MOBP: variants seen among roughly 807,000 people sequenced by gnomAD.
MOBP encodes myelin associated oligodendrocyte basic protein.
A neutral mutation model predicts 15.0 loss-of-function variants in MOBP; 5 were observed. That is an observed-to-expected ratio of 0.33 (90% CI 0.17 to 0.70). The LOEUF (loss-of-function observed/expected upper bound fraction) is 0.70, where lower values mean the gene tolerates loss of function less well. Ranked by LOEUF, MOBP falls within the 30% of genes least tolerant of loss-of-function variation. MOBP has a pLI of 0.67. For missense variants in MOBP, 188 were observed against 257.8 expected (o/e 0.73, Z 1.85); for synonymous variants, 88 against 99.0 (o/e 0.89, Z 0.66).
chr3:39,508,655 T>G (rs1443062583), intron 4 of MOBP, among the ~76,000 whole-genome samples: 5 of 151,906 alleles, frequency 3.3e-5, no homozygotes, highest in African/African-American at 1.2e-4. Flanking sequence ...GTTCAAGTGA[T>G]TCTCCTGCCT....
chr3:39,510,561 G>A (rs1227813378), intron 4 of MOBP, among the ~76,000 whole-genome samples: 2 of 151,922 alleles, frequency 1.3e-5, no homozygotes, highest in African/African-American at 4.8e-5. Flanking sequence ...ATGCTTTTTG[G>A]TGATATCAAA....
intron 1 of MOBP, among the ~76,000 whole-genome samples, chr3:39,479,130 G>A (rs963214423): frequency 6.6e-6 from 1 of 152,122 alleles, no homozygotes; most frequent in East Asian, 1.9e-4. Flanking sequence ...GCACGGCCCT[G>A]ATCATTTTTC....
downstream of MOBP, among the ~76,000 whole-genome samples, chr3:39,516,263 G>A (rs1484514111): frequency 6.6e-6 from 1 of 152,174 alleles, no homozygotes; most frequent in African/African-American, 2.4e-5. Flanking sequence ...AGGCACCTGA[G>A]CATGTGAAAG....
chr3:39,502,952 G>A lies in MOBP; in HGVS notation c.*72G>A. 3 of 711,432 alleles carry A rather than the reference G, an allele frequency of 4.2e-6. No individual in the cohort carries two copies. Among genetic ancestry groups the A allele is most frequent in the Non-Finnish European group, 6.9e-6 (3 of 436,368 alleles). The allele number at this position is 711,432 out of a possible 1,614,324, so 44.1% of individuals were successfully genotyped here. ...TTCCTGTGTTTACTAACACCGGGCTGTCTCCATGGCCCTCTTCAGCCTTAT... is the reference window on the plus strand; with the variant it reads ...TTCCTGTGTTTACTAACACCGGGCTATCTCCATGGCCCTCTTCAGCCTTAT... On this transcript the variant is annotated 3_prime_UTR_variant, in exon 4 of 4. Coordinates refer to ENST00000684792, the MANE Select transcript of MOBP (RefSeq NM_001393704.1). The surrounding 1 kb of genome is among the most constrained non-coding windows in gnomAD (Gnocchi z 6.3).
At chr3:39,488,551 C>T (rs2042749020) in intron 2 of MOBP, among the ~76,000 whole-genome samples, 1 of 152,180 alleles carries the variant, frequency 6.6e-6, no homozygotes. Flanking sequence ...TTAGGTGGCA[C>T]CATCAGCACT....
chr3:39,516,639 A>G (rs2043206267), downstream of MOBP, among the ~76,000 whole-genome samples: 1 of 152,198 alleles, frequency 6.6e-6, no homozygotes, highest in Non-Finnish European at 1.5e-5. Context: ...AATGACCTAT[A>G]TAATTCTTTC....
chr3:39,468,061 C>G lies in MOBP; in HGVS notation c.-89+321C>G, dbSNP rs548221169. Among the ~76,000 whole-genome samples, 55 of 151,772 alleles carry G rather than the reference C, an allele frequency of 3.6e-4. No homozygotes were observed. In the South Asian group the frequency reaches 0.011, roughly 29 times the overall value. On this transcript the variant is annotated intron_variant, in intron 1 of 3. Coordinates refer to ENST00000684792, the MANE Select transcript of MOBP (RefSeq NM_001393704.1). ...TCCTGGAGCTAGATGGATGGTAGTACATGCTGCTGCTGCTGCTGCTTTTTT... is the reference window on the plus strand; with the variant it reads ...TCCTGGAGCTAGATGGATGGTAGTAGATGCTGCTGCTGCTGCTGCTTTTTT...
chr3:39,517,765 C>T (rs967477987), downstream of MOBP: 1 of 152,212 alleles, frequency 6.6e-6, no homozygotes, highest in Non-Finnish European at 1.5e-5. Context: ...GATCAACTGA[C>T]TGGGTTTATC....
In MOBP at chr3:39,502,750, C is replaced by T. The variant is rs2042992509; in HGVS notation, c.422C>T (p.Pro141Leu). 4 of 1,535,688 alleles carry T rather than the reference C, an allele frequency of 2.6e-6. No homozygotes were observed. In the East Asian group the frequency reaches 9.8e-5, roughly 38 times the overall value. Residue 141 changes from proline to leucine, a missense_variant, in exon 4 of 4, where the codon CCA (proline) becomes CTA (leucine). This residue lies in a region of MOBP where 133 missense variants were observed against 212.5 expected (regional missense o/e 0.63). Coordinates refer to ENST00000684792, the MANE Select transcript of MOBP (RefSeq NM_001393704.1). This position sits in a 1 kb window ranked among gnomAD's most constrained non-coding sequence, Gnocchi z 6.3. The part of the protein sequence containing the change: ...PRSERQPRPR[P>L]EVRPPPAKQR... The stretch of plus-strand genomic sequence containing the variant: ...TCTGAGCGTCAGCCACGTCCCCGCC[C>T]AGAGGTCCGACCACCGCCAGCCAAG...
At chr3:39,525,110 C>A (rs1280952043), downstream of MOBP, 2 of 151,834 alleles carry the variant, frequency 1.3e-5, no homozygotes, top group African/African-American at 4.8e-5. Flanking sequence ...ATAAAACTAT[C>A]CTTTTGGAAA....
chr3:39,498,055 T>G (rs114212577), intron 2 of MOBP, among the ~76,000 whole-genome samples: 1 of 152,380 alleles, frequency 6.6e-6, no homozygotes, highest in African/African-American at 2.4e-5. Context: ...CGGTTTACTA[T>G]GTACAAATAA....
intron 2 of MOBP, among the ~76,000 whole-genome samples, chr3:39,491,493 G>A (rs1268144860): frequency 6.6e-6 from 1 of 152,096 alleles, no homozygotes; most frequent in Non-Finnish European, 1.5e-5. Flanking sequence ...TATAACTTAT[G>A]CTTCTCAATG....
At position 39,489,690 on chromosome 3, in the gene MOBP, C is replaced by T. The variant is rs539963957; in HGVS notation, c.-5+9567C>T. 6.6e-5 allele frequency among the ~76,000 whole-genome samples: 10 copies of T among 150,470 alleles called. No individual in the cohort carries two copies. In the East Asian group the frequency reaches 1.7e-3, roughly 26 times the overall value. On this transcript the variant is annotated intron_variant, in intron 2 of 3. Transcript: ENST00000684792. ...GGCAGGAGCTGGGTGTATTGTTCCC[C>T]GCCCAGCTCCTGTCCCAGCCCCTGG... is the stretch of plus-strand genomic sequence containing the variant.
At chr3:39,491,914 T>G (rs1053663458) in intron 2 of MOBP, among the ~76,000 whole-genome samples, 3 of 152,076 alleles carry the variant, frequency 2.0e-5, no homozygotes, top group African/African-American at 4.8e-5. Flanking sequence ...TTAAAATTTT[T>G]TGTGTGTGTA....
downstream of MOBP, among the ~76,000 whole-genome samples, chr3:39,518,464 G>A (rs1472345694): frequency 1.3e-5 from 2 of 152,120 alleles, no homozygotes; most frequent in African/African-American, 2.4e-5. Context: ...AGTTAATGAT[G>A]CGTATTTCTG....
At chr3:39,482,536 C>A (rs2042642976) in intron 2 of MOBP, among the ~76,000 whole-genome samples, 2 of 151,382 alleles carry the variant, frequency 1.3e-5, no homozygotes. Context: ...CCTGTGGTCC[C>A]ACCTACTTGG....
rs1256276405 is a variant in MOBP, at chr3:39,502,832, A to G, written c.504A>G (p.Pro168=). 1.3e-6 allele frequency: 2 copies of G among 1,516,078 alleles called. No individual in the cohort carries two copies. Among genetic ancestry groups the G allele is most frequent in the Non-Finnish European group, 1.8e-6 (2 of 1,131,900 alleles). 93.9% of individuals were successfully genotyped at this position (1,516,078 alleles called of 1,614,324 possible). A position where few individuals can be genotyped will look rare whatever the true frequency, so the allele number is the denominator to read the frequency against. The change falls in exon 4 of 4, where the codon CCA becomes CCG. Residue 168 remains proline (P), a synonymous_variant. Transcript: ENST00000684792. This position sits in a 1 kb window ranked among gnomAD's most constrained non-coding sequence, Gnocchi z 6.3. Reference sequence around the variant, plus strand: ...CGCGCAGCAGCCCCCTCAGAGGGCCAGGCGCCAGCCGTGGGGGGTCCCCCG... The same window carrying G: ...CGCGCAGCAGCCCCCTCAGAGGGCCGGGCGCCAGCCGTGGGGGGTCCCCCG... ...QQPRSSPLRG[P]GASRGGSPVK... is the part of the protein sequence containing the mutation.
At chr3:39,474,657 TC>T (rs1432159592) in intron 1 of MOBP, among the ~76,000 whole-genome samples, 1 of 152,190 alleles carries the variant, frequency 6.6e-6, no homozygotes, top group African/African-American at 2.4e-5. Context: ...TAATTGCTTC[TC>T]CCCATCCATT....
chr3:39,514,500 G>C (rs980945043), exon 5 of MOBP: 3 of 152,350 alleles, frequency 2.0e-5, no homozygotes, highest in Middle Eastern at 3.4e-3. Flanking sequence ...TCTGAGGCCT[G>C]GTCCCCCCAG....
Sources: gnomAD v4.1 joint callset for allele counts (sites outside exome capture counted in the v4.1 genomes callset) on GRCh38, gnomAD v4.1.1 for gene constraint, gnomAD v4.1.1 regional missense constraint, Gnocchi (gnomAD v3.1) non-coding constraint, MANE v1.5 for transcripts, NCBI Gene and HGNC (gene_info 2026-07-23, HGNC 2026-07-21) for gene names.